Variants in DCC observed in about 807,000 individuals in gnomAD.
DCC encodes netrin receptor DCC.
In DCC, 58 loss-of-function variants were observed where a neutral mutation model predicts 172.5. The ratio of observed to expected loss-of-function variants is 0.34; its 90% CI spans 0.27 to 0.42. The LOEUF is 0.42. DCC is among the 10% of genes least tolerant of loss of function. The pLI is 1.00. For synonymous variants in DCC, 709 were observed against 644.5 expected, an observed-to-expected ratio of 1.10 and a Z score of -1.52; for missense variants, 1,740 against 1,791.0, an observed-to-expected ratio of 0.97 and a Z score of 0.51.
intron 15 of DCC, among the ~76,000 whole-genome samples, chr18:53,346,898 C>T (rs1043760418): frequency 6.6e-6 from 1 of 152,052 alleles, no homozygotes; most frequent in Non-Finnish European, 1.5e-5. Flanking sequence ...TATTACAATC[C>T]TTGAAAATTT....
intron 2 of DCC, among the ~76,000 whole-genome samples, chr18:52,881,981 A>T (rs1479255743): frequency 6.6e-6 from 1 of 152,158 alleles, no homozygotes; most frequent in East Asian, 1.9e-4. Context: ...TTCTTTCATT[A>T]GTTTTTAATA....
chr18:53,003,367 T>C (rs866154399), intron 5 of DCC, among the ~76,000 whole-genome samples: 94 of 152,308 alleles, frequency 6.2e-4, no homozygotes, highest in African/African-American at 2.2e-3. Flanking sequence ...CTTAGTAACA[T>C]GGCCCTGGGG....
rs577040981 is a variant in DCC at position 53,364,171 on chromosome 18, T to C, written c.2360-21872T>C. Among the ~76,000 whole-genome samples the C allele has an allele frequency of 9.8e-5, 15 of 152,294 alleles. No individual in the cohort carries two copies. In the South Asian group the frequency reaches 3.1e-3, roughly 32 times the overall value. On this transcript the variant is annotated intron_variant, in intron 15 of 28. Coordinates refer to ENST00000442544, the MANE Select transcript of DCC (RefSeq NM_005215.4). ...AAAATTGTAACCTAGTATCTGGTCCTTCTTTTTATTATCTGGGAGATCATT... is the reference window on the plus strand; with the variant it reads ...AAAATTGTAACCTAGTATCTGGTCCCTCTTTTTATTATCTGGGAGATCATT...
intron 2 of DCC, among the ~76,000 whole-genome samples, chr18:52,855,681 A>G (rs1470790287): frequency 6.6e-6 from 1 of 151,226 alleles, no homozygotes; most frequent in Non-Finnish European, 1.5e-5. Context: ...GCAATGTGAT[A>G]TTGTTAGAGG....
At chr18:52,477,834 C>A (rs887402985) in intron 1 of DCC, among the ~76,000 whole-genome samples, 1 of 152,088 alleles carries the variant, frequency 6.6e-6, no homozygotes, top group Non-Finnish European at 1.5e-5. Context: ...CCCCAATAAA[C>A]CCTAACTTTT....
At chr18:53,183,149 C>T (rs2055223095) in intron 9 of DCC, among the ~76,000 whole-genome samples, 1 of 151,922 alleles carries the variant, frequency 6.6e-6, no homozygotes, top group South Asian at 2.1e-4. Flanking sequence ...TTATACAAAC[C>T]ATATTTGCAA....
chr18:53,354,511 C>T (rs528958939), intron 15 of DCC, among the ~76,000 whole-genome samples: 95 of 152,178 alleles, frequency 6.2e-4, no homozygotes, highest in African/African-American at 2.1e-3. Context: ...CTCTGATGGC[C>T]AGTGATGATG....
At chr18:52,491,863 G>A (rs144052067) in intron 1 of DCC, among the ~76,000 whole-genome samples, 1 of 151,972 alleles carries the variant, frequency 6.6e-6, no homozygotes, top group South Asian at 2.1e-4. Flanking sequence ...TGGGATGTTT[G>A]GGGTGTATCT....
rs138029953 is a variant in DCC at position 52,416,101 on chromosome 18, T to C, written c.91+75223T>C. Reference sequence around the variant, plus strand: ...TTGTTCTCGTTGGTTTCAAAGAACATCTTTATTTCTGCCTTCATTTTGTTA... The same window carrying C: ...TTGTTCTCGTTGGTTTCAAAGAACACCTTTATTTCTGCCTTCATTTTGTTA... On this transcript the variant is annotated intron_variant, in intron 1 of 28. Coordinates refer to ENST00000442544, the MANE Select transcript of DCC (RefSeq NM_005215.4). Among the ~76,000 whole-genome samples the C allele has an allele frequency of 2.4e-3, 362 of 152,324 alleles. 11 individuals are homozygous for C. In the East Asian group the frequency reaches 0.057, roughly 24 times the overall value.
chr18:52,340,916 T>C, intron 1 of DCC, 38 bp downstream of exon 1: 1 of 1,433,646 alleles, frequency 7.0e-7, no homozygotes, highest in Non-Finnish European at 9.8e-7. Context: ...CGCACCCCCT[T>C]CCGTACCCCA....
intron 5 of DCC, among the ~76,000 whole-genome samples, chr18:52,989,626 T>G (rs1419883436): frequency 6.6e-6 from 1 of 152,124 alleles, no homozygotes; most frequent in African/African-American, 2.4e-5. Context: ...GAAAATAGAA[T>G]AAATATAGAT....
intron 2 of DCC, among the ~76,000 whole-genome samples, chr18:52,821,151 C>A (rs1231706266): frequency 2.0e-5 from 3 of 152,050 alleles, no homozygotes; most frequent in Admixed American, 6.6e-5. Flanking sequence ...GTGAAGAAAT[C>A]AGAAAAAAGA....
intron 8 of DCC, among the ~76,000 whole-genome samples, chr18:53,167,630 C>A (rs1027540528): frequency 6.6e-6 from 1 of 152,092 alleles, no homozygotes; most frequent in Admixed American, 6.6e-5. Context: ...TGAGCCCCAG[C>A]AATGTAGCCA....
intron 1 of DCC, among the ~76,000 whole-genome samples, chr18:52,472,870 G>C (rs371913427): frequency 1.3e-5 from 2 of 152,134 alleles, no homozygotes; most frequent in Admixed American, 1.3e-4. Context: ...TTGTGCCACT[G>C]TACTCCAGCC....
intron 1 of DCC, among the ~76,000 whole-genome samples, chr18:52,689,059 C>G (rs1023264166): frequency 1.3e-5 from 2 of 152,124 alleles, no homozygotes; most frequent in African/African-American, 4.8e-5. Flanking sequence ...AGATTAGCTT[C>G]AAATGCACAG....
intron 2 of DCC, among the ~76,000 whole-genome samples, chr18:52,833,106 C>T (rs565188744): frequency 1.3e-5 from 2 of 152,154 alleles, no homozygotes; most frequent in South Asian, 2.1e-4. Flanking sequence ...GAAATTGTAC[C>T]TCAGCTTTAA....
intron 23 of DCC, among the ~76,000 whole-genome samples, chr18:53,452,890 G>GGTTTGTTT (rs10553364): frequency 0.054 from 8,125 of 150,260 alleles, 240 homozygotes; most frequent in African/African-American, 0.058. Flanking sequence ...AGTTTAGTGG[G>GGTTTGTTT]GTTTGTTTGT....
intron 5 of DCC, among the ~76,000 whole-genome samples, chr18:52,970,301 A>C (rs1378424182): frequency 6.6e-6 from 1 of 152,126 alleles, no homozygotes; most frequent in Non-Finnish European, 1.5e-5. Flanking sequence ...TGGCATAATT[A>C]AACCTTTGTC....
At chr18:53,307,818 A>T (rs1210335342) in intron 13 of DCC, among the ~76,000 whole-genome samples, 1 of 148,598 alleles carries the variant, frequency 6.7e-6, no homozygotes, top group Non-Finnish European at 1.5e-5. Flanking sequence ...TGGAAAGCAT[A>T]TGAGAAATGT....
Sources: gnomAD v4.1 joint callset for allele counts (sites outside exome capture counted in the v4.1 genomes callset) on GRCh38, gnomAD v4.1.1 for gene constraint, MANE v1.5 for transcripts, NCBI Gene and HGNC (gene_info 2026-07-23, HGNC 2026-07-21) for gene names.